ARHGAP32: variants seen among roughly 807,000 people sequenced by gnomAD.
The protein encoded by ARHGAP32 is Rho GTPase activating protein 32, also known as rho GTPase-activating protein 32.
ARHGAP32 carries 51 observed loss-of-function variants against 186.5 expected under a neutral mutation model. The ratio of observed to expected loss-of-function variants is 0.27; its 90% CI spans 0.22 to 0.35. The LOEUF is 0.35. Ranked by LOEUF, ARHGAP32 falls within the 10% of genes least tolerant of loss-of-function variation. The pLI, the probability that ARHGAP32 is intolerant of heterozygous loss-of-function variation, is 1.00. For missense variants in ARHGAP32, 2,186 were observed against 2,623.5 expected, an observed-to-expected ratio of 0.83 and a Z score of 3.64; for synonymous variants, 950 against 964.3, an observed-to-expected ratio of 0.99 and a Z score of 0.27.
At chr11:129,027,047 C>T (rs1229196077) in intron 11 of ARHGAP32, among the ~76,000 whole-genome samples, 8 of 149,088 alleles carry the variant, frequency 5.4e-5, no homozygotes, top group Non-Finnish European at 1.2e-4. Flanking sequence ...TGCAGTGAGC[C>T]GAGATCACGC....
At chr11:129,244,756 AAAAC>A (rs1231449542) in intron 1 of ARHGAP32, among the ~76,000 whole-genome samples, 8 of 152,192 alleles carry the variant, frequency 5.3e-5, no homozygotes, top group African/African-American at 1.2e-4. Flanking sequence ...TACAAGAAAA[AAAAC>A]AAACAACCCC....
At chr11:129,088,056 T>C (rs1941462853) in intron 6 of ARHGAP32, among the ~76,000 whole-genome samples, 1 of 152,224 alleles carries the variant, frequency 6.6e-6, no homozygotes, top group Admixed American at 6.5e-5. Flanking sequence ...GTTCCTCATA[T>C]ATTCATGAAG....
At chr11:129,162,853 A>G (rs952158535) in intron 2 of ARHGAP32, among the ~76,000 whole-genome samples, 4 of 152,180 alleles carry the variant, frequency 2.6e-5, no homozygotes, top group Non-Finnish European at 5.9e-5. Context: ...GCTACTGTCC[A>G]TGCATCCCAA....
At chr11:129,176,511 T>C (rs1943918950) in intron 1 of ARHGAP32, among the ~76,000 whole-genome samples, 1 of 141,620 alleles carries the variant, frequency 7.1e-6, no homozygotes, top group South Asian at 2.3e-4. Flanking sequence ...CCACACCCAT[T>C]CCAAAACTGA....
rs373759285 is a variant in ARHGAP32, at chr11:129,192,142, C to A, written c.57G>T (p.Glu19Asp). ...TLGDDSVFWL[E>D]SEVIIQVTDC... ...CAGTCACCTGGATTATAACTTCAGACTCCAACCAGAAGACACTGTCATCCC... is the reference window on the plus strand; with the variant it reads ...CAGTCACCTGGATTATAACTTCAGAATCCAACCAGAAGACACTGTCATCCC... The change falls in exon 1 of 23, where the codon GAG becomes GAT. Residue 19 changes from glutamate (E) to aspartate (D), a missense_variant. Physicochemically the swap from Glu to Asp is conservative, Grantham distance 45. Transcript: ENST00000682385. 1 of 1,613,918 alleles carries A rather than the reference C, an allele frequency of 6.2e-7. No individual in the cohort carries two copies. Among genetic ancestry groups the A allele is most frequent in the Admixed American group, 1.7e-5 (1 of 60,026 alleles).
chr11:129,202,032 G>A (rs1051889862), intron 1 of ARHGAP32, among the ~76,000 whole-genome samples: 11 of 151,544 alleles, frequency 7.3e-5, no homozygotes, highest in Admixed American at 6.6e-4. Flanking sequence ...ATATATATGT[G>A]TGTGTATATA....
At chr11:129,210,075 G>A (rs1198847479) in intron 1 of ARHGAP32, among the ~76,000 whole-genome samples, 1 of 152,114 alleles carries the variant, frequency 6.6e-6, no homozygotes, top group African/African-American at 2.4e-5. Context: ...TCTGAAATTA[G>A]GAACATTTGC....
chr11:129,028,325 C>A (rs1453115321), intron 11 of ARHGAP32, among the ~76,000 whole-genome samples: 2 of 151,826 alleles, frequency 1.3e-5, no homozygotes, highest in Non-Finnish European at 2.9e-5. Context: ...CAGTCACAAG[C>A]GAGGGAAGGG....
chr11:129,063,871 C>A, intron 9 of ARHGAP32, 31 bp downstream of exon 9: 1 of 1,577,668 alleles, frequency 6.3e-7, no homozygotes, highest in Non-Finnish European at 8.6e-7. Flanking sequence ...TAGCAAGAAC[C>A]AAATAACAAA....
At chr11:129,153,110 C>A in intron 2 of ARHGAP32, among the ~76,000 whole-genome samples, 1 of 149,692 alleles carries the variant, frequency 6.7e-6, no homozygotes, top group East Asian at 2.0e-4. Flanking sequence ...AGCTGAGAAT[C>A]AAATCAAGAA....
chr11:129,239,937 A>C (rs1944992595), intron 1 of ARHGAP32, among the ~76,000 whole-genome samples: 1 of 152,196 alleles, frequency 6.6e-6, no homozygotes, highest in Non-Finnish European at 1.5e-5. Context: ...TATCTCTCAG[A>C]CTACAAATTC....
intron 1 of ARHGAP32, among the ~76,000 whole-genome samples, chr11:129,267,934 G>C (rs557364877): frequency 5.3e-5 from 8 of 151,980 alleles, no homozygotes; most frequent in Non-Finnish European, 1.0e-4. Flanking sequence ...GGGAACTAAC[G>C]GAGGGACAGC....
intron 15 of ARHGAP32, among the ~76,000 whole-genome samples, chr11:128,984,939 T>C (rs1228058154): frequency 1.3e-5 from 2 of 152,220 alleles, no homozygotes; most frequent in Non-Finnish European, 1.5e-5. Flanking sequence ...TGTATACAGA[T>C]AGTCTCCAAC....
intron 11 of ARHGAP32, among the ~76,000 whole-genome samples, chr11:129,030,078 C>T (rs1939048133): frequency 6.6e-6 from 1 of 152,064 alleles, no homozygotes; most frequent in Non-Finnish European, 1.5e-5. Flanking sequence ...TTTAGTACTC[C>T]TTTGACTCTT....
intron 10 of ARHGAP32, among the ~76,000 whole-genome samples, chr11:129,061,612 G>A (rs1940507118): frequency 6.6e-6 from 1 of 152,158 alleles, no homozygotes; most frequent in South Asian, 2.1e-4. Flanking sequence ...GACTAATGGG[G>A]CAGGCAGCAT....
At chr11:128,993,177 C>T (rs1382569840) in intron 12 of ARHGAP32, 1 of 152,106 alleles carries the variant, frequency 6.6e-6, no homozygotes, top group East Asian at 1.9e-4. Flanking sequence ...GCTGATTTTT[C>T]ACTAGGAAAT....
chr11:129,128,223 G>C (rs932161232), intron 2 of ARHGAP32, among the ~76,000 whole-genome samples: 1 of 152,036 alleles, frequency 6.6e-6, no homozygotes, highest in African/African-American at 2.4e-5. Flanking sequence ...CAGTATATTG[G>C]GGCATTTCAT....
In ARHGAP32 at chr11:129,200,362, C is replaced by T. The variant is rs140470107; in HGVS notation, c.-4-35935G>A. On this transcript the variant is annotated intron_variant, in intron 1 of 6. Transcript: ENST00000525234. Reference sequence around the variant, plus strand: ...TATTGTAACTCCCATAGTTCCCACACGTTGTGGGAGGGACCCAGTGGGTGA... The same window carrying T: ...TATTGTAACTCCCATAGTTCCCACATGTTGTGGGAGGGACCCAGTGGGTGA... 3.0e-3 allele frequency among the ~76,000 whole-genome samples: 453 copies of T among 152,262 alleles called. 4 individuals carry two copies. The highest frequency in any genetic ancestry group is 0.01 in the African/African-American group (424 of 41,548).
At chr11:129,089,670 G>C (rs1941518639) in intron 6 of ARHGAP32, among the ~76,000 whole-genome samples, 1 of 152,102 alleles carries the variant, frequency 6.6e-6, no homozygotes, top group South Asian at 2.1e-4. Context: ...ACATGCAGTG[G>C]GAATCTATCC....
Sources: gnomAD v4.1 joint callset for allele counts (sites outside exome capture counted in the v4.1 genomes callset) on GRCh38, gnomAD v4.1.1 for gene constraint, MANE v1.5 for transcripts, NCBI Gene and HGNC (gene_info 2026-07-23, HGNC 2026-07-21) for gene names.